Variants in BAIAP2L1 observed in about 807,000 individuals in gnomAD.
The protein encoded by BAIAP2L1 is BAR/IMD domain-containing adapter protein 2-like 1.
BAIAP2L1 carries 35 observed loss-of-function variants against 66.3 expected under a neutral mutation model. The ratio of observed to expected loss-of-function variants is 0.53; its 90% CI spans 0.40 to 0.70. The LOEUF (loss-of-function observed/expected upper bound fraction) is 0.70. Ranked by LOEUF, BAIAP2L1 falls within the 30% of genes least tolerant of loss-of-function variation. The pLI, the probability that BAIAP2L1 is intolerant of heterozygous loss-of-function variation, is 0.00. For missense variants in BAIAP2L1, 622 were observed against 656.9 expected (o/e 0.95, Z 0.58); for synonymous variants, 269 against 248.7 (o/e 1.08, Z -0.77).
chr7:98,375,741 TC>T (rs1321566054), intron 1 of BAIAP2L1, among the ~76,000 whole-genome samples: 2 of 51,290 alleles, frequency 3.9e-5, no homozygotes, highest in African/African-American at 1.4e-4. Context: ...AAAGTCCATC[TC>T]AAAAAAAAAA....
At chr7:98,371,051 T>C (rs1401301646) in intron 1 of BAIAP2L1, among the ~76,000 whole-genome samples, 1 of 152,176 alleles carries the variant, frequency 6.6e-6, no homozygotes, top group African/African-American at 2.4e-5. Context: ...ACCTGAATTG[T>C]TAAACAGCCT....
intron 11 of BAIAP2L1, among the ~76,000 whole-genome samples, chr7:98,305,831 T>C (rs924258071): frequency 1.3e-5 from 2 of 152,120 alleles, no homozygotes; most frequent in Non-Finnish European, 2.9e-5. Flanking sequence ...ATAACTACTG[T>C]TAGTATCTGA....
At chr7:98,327,510 C>A (rs987080215) in intron 3 of BAIAP2L1, among the ~76,000 whole-genome samples, 1 of 151,640 alleles carries the variant, frequency 6.6e-6, no homozygotes, top group African/African-American at 2.4e-5. Context: ...TCTGTCTCTA[C>A]TAAAAATACA....
chr7:98,336,882 G>C (rs1021362590), intron 3 of BAIAP2L1, among the ~76,000 whole-genome samples: 2 of 152,162 alleles, frequency 1.3e-5, no homozygotes, highest in Non-Finnish European at 2.9e-5. Flanking sequence ...CAAGGACTTT[G>C]AATTTAAACC....
At chr7:98,350,172 G>A (rs1183653835) in intron 3 of BAIAP2L1, among the ~76,000 whole-genome samples, 1 of 152,082 alleles carries the variant, frequency 6.6e-6, no homozygotes, top group Admixed American at 6.6e-5. Context: ...AGACAAGGAT[G>A]ATAAAGCGTC....
chr7:98,362,858 A>G (rs1057248092), intron 1 of BAIAP2L1, among the ~76,000 whole-genome samples: 29 of 152,054 alleles, frequency 1.9e-4, no homozygotes, highest in African/African-American at 7.0e-4. Context: ...ATAGATTTCG[A>G]TGAATTTCTA....
chr7:98,373,328 A>G (rs1802553170), intron 1 of BAIAP2L1, among the ~76,000 whole-genome samples: 1 of 152,228 alleles, frequency 6.6e-6, no homozygotes, highest in Admixed American at 6.5e-5. Flanking sequence ...TACTCATTGA[A>G]ATATATAAAC....
At chr7:98,352,847 G>A (rs910196033) in intron 3 of BAIAP2L1, among the ~76,000 whole-genome samples, 1 of 152,132 alleles carries the variant, frequency 6.6e-6, no homozygotes, top group African/African-American at 2.4e-5. Flanking sequence ...TATTTAAACA[G>A]TGGCAGGACC....
At chr7:98,326,230 C>T (rs115601030) in intron 3 of BAIAP2L1, among the ~76,000 whole-genome samples, 14 of 152,280 alleles carry the variant, frequency 9.2e-5, no homozygotes, top group African/African-American at 3.4e-4. Context: ...TGAGCCATGA[C>T]TGTGCCACTG....
intron 3 of BAIAP2L1, among the ~76,000 whole-genome samples, chr7:98,351,791 A>C (rs1435791537): frequency 1.3e-5 from 2 of 152,208 alleles, no homozygotes; most frequent in Admixed American, 6.5e-5. Flanking sequence ...AGCATCCTAC[A>C]TTATTCACAC....
chr7:98,378,217 T>TA (rs1410885500), intron 1 of BAIAP2L1, among the ~76,000 whole-genome samples: 1 of 52,470 alleles, frequency 1.9e-5, no homozygotes, highest in Non-Finnish European at 4.4e-5. Flanking sequence ...TCATCAGCAT[T>TA]AAAAAATAAC....
intron 1 of BAIAP2L1, among the ~76,000 whole-genome samples, chr7:98,370,605 C>T (rs554549646): frequency 6.6e-4 from 101 of 151,962 alleles, no homozygotes; most frequent in African/African-American, 2.1e-3. Context: ...GGGTTCACGC[C>T]ATTCTCCTGC....
intron 1 of BAIAP2L1, among the ~76,000 whole-genome samples, chr7:98,379,908 G>A (rs1453640398): frequency 6.6e-6 from 1 of 152,194 alleles, no homozygotes; most frequent in Non-Finnish European, 1.5e-5. Context: ...CTGGAAGCGA[G>A]AATGAGTAAT....
At chr7:98,342,799 A>G (rs925687813) in intron 3 of BAIAP2L1, among the ~76,000 whole-genome samples, 1 of 152,168 alleles carries the variant, frequency 6.6e-6, no homozygotes, top group East Asian at 1.9e-4. Context: ...TCCCCTTACC[A>G]TTTCTGTTTT....
intron 11 of BAIAP2L1, among the ~76,000 whole-genome samples, chr7:98,305,733 T>C (rs1462773248): frequency 1.3e-5 from 2 of 152,218 alleles, no homozygotes; most frequent in Non-Finnish European, 2.9e-5. Flanking sequence ...AGTTTCCTCA[T>C]TTTTTAAAGT....
At chr7:98,344,618 T>A (rs1354384448) in intron 3 of BAIAP2L1, among the ~76,000 whole-genome samples, 2 of 152,108 alleles carry the variant, frequency 1.3e-5, no homozygotes, top group Non-Finnish European at 2.9e-5. Flanking sequence ...AAATTTTGCA[T>A]ATGTATATTA....
chr7:98,318,774 C>G (rs930865723), intron 5 of BAIAP2L1, among the ~76,000 whole-genome samples: 9 of 151,556 alleles, frequency 5.9e-5, no homozygotes, highest in African/African-American at 2.2e-4. Flanking sequence ...GAAACCCCGT[C>G]TCTACTAAAA....
chr7:98,293,825 G>C (rs919210099), intron 13 of BAIAP2L1, among the ~76,000 whole-genome samples: 1 of 152,228 alleles, frequency 6.6e-6, no homozygotes, highest in Non-Finnish European at 1.5e-5. Flanking sequence ...TCTGGACGTG[G>C]GCACCCACAC....
rs75133638 is a variant in BAIAP2L1 at position 98,400,714 on chromosome 7, G to C, written c.51+88C>G. 3.1e-3 allele frequency: 4,404 copies of C among 1,434,246 alleles called. 121 individuals carry two copies. In the African/African-American group the frequency reaches 0.056, roughly 18 times the overall value. 88.8% of individuals were successfully genotyped at this position (1,434,246 alleles called of 1,614,324 possible). On this transcript the variant is annotated intron_variant, in intron 1 of 13. Transcript: ENST00000005260. The stretch of plus-strand genomic sequence containing the variant: ...GGACGCGGGGGAGGGGAGCTGGAGG[G>C]AGGGAAAGTACCTTCCCGCGTAAAG...
Sources: gnomAD v4.1 joint callset for allele counts (sites outside exome capture counted in the v4.1 genomes callset) on GRCh38, gnomAD v4.1.1 for gene constraint, MANE v1.5 for transcripts, NCBI Gene and HGNC (gene_info 2026-07-23, HGNC 2026-07-21) for gene names.